Variants in MCTP1 observed in about 807,000 individuals in gnomAD.
The protein encoded by MCTP1 is multiple C2 and transmembrane domain-containing protein 1.
MCTP1 carries 69 observed loss-of-function variants against 120.6 expected under a neutral mutation model. That is an observed-to-expected ratio of 0.57 (90% CI 0.47 to 0.70). The LOEUF is 0.70. MCTP1 is among the 30% of genes least tolerant of loss of function. The pLI is 0.00. For synonymous variants in MCTP1, 529 were observed against 493.1 expected, an observed-to-expected ratio of 1.07 and a Z score of -0.96; for missense variants, 1,203 against 1,248.8, an observed-to-expected ratio of 0.96 and a Z score of 0.55.
intron 1 of MCTP1, among the ~76,000 whole-genome samples, chr5:95,125,629 T>C (rs1758565461): frequency 6.6e-6 from 1 of 152,252 alleles, no homozygotes; most frequent in African/African-American, 2.4e-5. Flanking sequence ...TGATTCTTTT[T>C]CATTTTATTT....
intron 1 of MCTP1, among the ~76,000 whole-genome samples, chr5:95,164,461 T>C (rs1001822308): frequency 5.3e-5 from 8 of 152,190 alleles, no homozygotes; most frequent in African/African-American, 1.9e-4. Context: ...AAATGCTTCA[T>C]ACAGCAAATT....
intron 2 of MCTP1, among the ~76,000 whole-genome samples, chr5:94,988,311 CTT>C (rs5869663): frequency 3.3e-5 from 5 of 150,874 alleles, no homozygotes; most frequent in African/African-American, 1.2e-4. Context: ...GATATTTAGG[CTT>C]TTTTTTTTCT....
At chr5:95,214,175 A>G (rs1228258736) in intron 1 of MCTP1, among the ~76,000 whole-genome samples, 2 of 152,288 alleles carry the variant, frequency 1.3e-5, no homozygotes, top group African/African-American at 4.8e-5. Flanking sequence ...CAAGAAAAAA[A>G]CAAACAACCC....
At chr5:95,026,540 A>G (rs1247587394) in intron 1 of MCTP1, among the ~76,000 whole-genome samples, 1 of 152,054 alleles carries the variant, frequency 6.6e-6, no homozygotes, top group Non-Finnish European at 1.5e-5. Flanking sequence ...GACCATGCAA[A>G]GTTTGTCTTT....
intron 17 of MCTP1, among the ~76,000 whole-genome samples, chr5:94,858,617 G>T (rs1795164121): frequency 6.6e-6 from 1 of 151,556 alleles, no homozygotes; most frequent in Admixed American, 6.6e-5. Context: ...TCTTCTCATT[G>T]TTGCTGTCTT....
intron 2 of MCTP1, among the ~76,000 whole-genome samples, chr5:94,973,248 A>G (rs1455440680): frequency 2.0e-5 from 3 of 152,154 alleles, no homozygotes; most frequent in Admixed American, 6.6e-5. Flanking sequence ...AATTTACTTC[A>G]TTACACTGTG....
intron 1 of MCTP1, among the ~76,000 whole-genome samples, chr5:95,181,368 T>G (rs556555598): frequency 6.6e-6 from 1 of 152,332 alleles, no homozygotes; most frequent in African/African-American, 2.4e-5. Context: ...ATTCCTCTTT[T>G]GGGGGATTTG....
intron 1 of MCTP1, among the ~76,000 whole-genome samples, chr5:95,054,073 A>G (rs1316824018): frequency 6.6e-6 from 1 of 152,204 alleles, no homozygotes; most frequent in African/African-American, 2.4e-5. Context: ...TTCGGAAAAT[A>G]CTGGGTTTTT....
At chr5:94,765,289 A>G (rs1772337133) in intron 19 of MCTP1, among the ~76,000 whole-genome samples, 1 of 152,222 alleles carries the variant, frequency 6.6e-6, no homozygotes, top group Non-Finnish European at 1.5e-5. Flanking sequence ...CAATATATAT[A>G]AAGTAGAAAG....
intron 19 of MCTP1, among the ~76,000 whole-genome samples, chr5:94,753,408 T>C (rs973686359): frequency 3.3e-5 from 5 of 152,202 alleles, no homozygotes; most frequent in South Asian, 4.1e-4. Flanking sequence ...AGTATTCTTA[T>C]AGGGAAAAGG....
chr5:94,964,687 T>C (rs1561937598), intron 2 of MCTP1, among the ~76,000 whole-genome samples: 1 of 152,210 alleles, frequency 6.6e-6, no homozygotes. Flanking sequence ...TCCATTTAAA[T>C]AGAATATCTT....
chr5:94,929,957 C>A (rs1327179914), intron 6 of MCTP1, among the ~76,000 whole-genome samples: 6 of 152,094 alleles, frequency 3.9e-5, no homozygotes, highest in African/African-American at 1.4e-4. Flanking sequence ...TAGGCTAAAA[C>A]CCAAAAGCTT....
At chr5:95,112,409 A>G (rs1214432093) in intron 1 of MCTP1, among the ~76,000 whole-genome samples, 2 of 152,170 alleles carry the variant, frequency 1.3e-5, no homozygotes, top group African/African-American at 4.8e-5. Context: ...CCAGAATATT[A>G]TATTTTTTAA....
At chr5:94,850,347 G>A (rs552157857) in intron 17 of MCTP1, among the ~76,000 whole-genome samples, 4 of 152,242 alleles carry the variant, frequency 2.6e-5, no homozygotes, top group Admixed American at 6.5e-5. Context: ...CATCATCAAA[G>A]TCTGGAATTT....
At chr5:95,118,184 A>G (rs573140910) in intron 1 of MCTP1, among the ~76,000 whole-genome samples, 9 of 152,368 alleles carry the variant, frequency 5.9e-5, no homozygotes, top group Admixed American at 4.6e-4. Context: ...ACAAACCTGT[A>G]CATCCTGCAC....
At position 94,870,477 on chromosome 5, in the gene MCTP1, T is replaced by G. The variant is rs1447777012; in HGVS notation, c.2256A>C (p.Leu752Phe). The G allele has an allele frequency of 1.9e-6, 3 of 1,610,470 alleles. No individual in the cohort carries two copies. In the Admixed American group the frequency reaches 5.0e-5, roughly 27 times the overall value. ...TCTGTTCTTTGGGTATTAATGTTCGTAAGCTGGCTTTCACCTATACATCAA... is the reference window on the plus strand; with the variant it reads ...TCTGTTCTTTGGGTATTAATGTTCGGAAGCTGGCTTTCACCTATACATCAA... The part of the protein sequence containing the change: ...DVIFNAVKAS[L>F]RTLIPKEQKY... The change falls in exon 16 of 23, where the codon TTA (leucine) becomes TTC (phenylalanine). Residue 752 changes from leucine to phenylalanine, a missense_variant. Leu to Phe is a conservative substitution (Grantham distance 22). Coordinates refer to ENST00000515393, the MANE Select transcript of MCTP1 (RefSeq NM_024717.7).
intron 1 of MCTP1, among the ~76,000 whole-genome samples, chr5:95,019,327 T>C (rs1162021784): frequency 6.6e-6 from 1 of 152,050 alleles, no homozygotes; most frequent in Non-Finnish European, 1.5e-5. Context: ...AATTCAGTAC[T>C]GTTAACCATA....
At chr5:95,017,303 G>T in intron 2 of MCTP1, 64 bp downstream of exon 2, 1 of 932,292 alleles carries the variant, frequency 1.1e-6, no homozygotes, top group African/African-American at 1.7e-5. Flanking sequence ...CAATCACGTG[G>T]AAAACAAAGT....
intron 12 of MCTP1, among the ~76,000 whole-genome samples, chr5:94,882,742 T>C (rs1361012206): frequency 6.6e-6 from 1 of 152,174 alleles, no homozygotes; most frequent in Non-Finnish European, 1.5e-5. Flanking sequence ...TTCCCATTGA[T>C]AGTGGGACCA....
Sources: allele counts gnomAD v4.1 joint callset (sites outside exome capture counted in the v4.1 genomes callset), GRCh38; gene constraint gnomAD v4.1.1; transcripts MANE v1.5; gene names NCBI Gene and HGNC (gene_info 2026-07-23, HGNC 2026-07-21).